The following BIK variants were observed in gnomAD, a reference collection of about 807,000 sequenced individuals.
The protein encoded by BIK is BCL2 interacting killer.
Under a neutral mutation model 12.1 loss-of-function variants are expected in BIK, and 14 were observed. The observed-to-expected ratio is 1.16, with a 90% CI of 0.77 to 1.81. The LOEUF is 1.81. Among genes scored for constraint, BIK ranks in the 40% most tolerant of loss-of-function variants. The probability of loss-of-function intolerance (pLI) is 0.00; values close to 1 mark genes in which losing one functional copy is unlikely to be tolerated. For missense variants in BIK, 215 were observed against 207.9 expected (o/e 1.03, Z -0.21); for synonymous variants, 86 against 92.3 (o/e 0.93, Z 0.39).
chr22:43,116,992 C>T (rs748052213), intron 1 of BIK, among the ~76,000 whole-genome samples: 1 of 152,220 alleles, frequency 6.6e-6, no homozygotes, highest in Non-Finnish European at 1.5e-5. Flanking sequence ...GGGGGAGCTG[C>T]AGCTCAGGGT....
chr22:43,126,188 C>CTTTTTTTTTTTTTTT (rs549572600), intron 2 of BIK, among the ~76,000 whole-genome samples: 3 of 137,164 alleles, frequency 2.2e-5, no homozygotes, highest in African/African-American at 8.4e-5. Flanking sequence ...GCATGCCCGG[C>CTTTTTTTTTTTTTTT]TTTTTTTTTT....
At chr22:43,116,886 G>A (rs545474971) in intron 1 of BIK, among the ~76,000 whole-genome samples, 1 of 152,270 alleles carries the variant, frequency 6.6e-6, no homozygotes, top group East Asian at 1.9e-4. Flanking sequence ...ACTACAGTGA[G>A]CCATGTTCAT....
intron 1 of BIK, among the ~76,000 whole-genome samples, chr22:43,111,844 C>T (rs1236536619): frequency 6.6e-6 from 1 of 152,152 alleles, no homozygotes; most frequent in East Asian, 1.9e-4. Context: ...TAACATCTGT[C>T]TGCCCCTGGG....
At chr22:43,112,061 C>T (rs1930021724) in intron 1 of BIK, among the ~76,000 whole-genome samples, 1 of 152,214 alleles carries the variant, frequency 6.6e-6, no homozygotes, top group South Asian at 2.1e-4. Flanking sequence ...AAATGTATCC[C>T]TGAGGTTTCT....
intron 1 of BIK, among the ~76,000 whole-genome samples, chr22:43,122,566 G>A (rs1295192435): frequency 6.6e-6 from 1 of 152,156 alleles, no homozygotes; most frequent in Non-Finnish European, 1.5e-5. Flanking sequence ...ATCTAAGGCT[G>A]TTTGGTACCC....
intron 1 of BIK, among the ~76,000 whole-genome samples, chr22:43,117,601 A>G (rs1268449384): frequency 6.6e-6 from 1 of 151,284 alleles, no homozygotes; most frequent in Non-Finnish European, 1.5e-5. Flanking sequence ...CCATCTCCTG[A>G]CCTTGTGATC....
At chr22:43,111,519 C>T (rs1009113569) in intron 1 of BIK, among the ~76,000 whole-genome samples, 3 of 152,022 alleles carry the variant, frequency 2.0e-5, no homozygotes, top group Non-Finnish European at 4.4e-5. Flanking sequence ...GCGAGGGGGC[C>T]CCCCGCCTGC....
At chr22:43,111,558 G>T (rs957760782) in intron 1 of BIK, among the ~76,000 whole-genome samples, 1 of 152,176 alleles carries the variant, frequency 6.6e-6, no homozygotes, top group East Asian at 1.9e-4. Context: ...GGCTTGTGGG[G>T]TTCGGAGCTG....
At chr22:43,111,563 G>A (rs989203143) in intron 1 of BIK, among the ~76,000 whole-genome samples, 1 of 152,182 alleles carries the variant, frequency 6.6e-6, no homozygotes, top group Non-Finnish European at 1.5e-5. Context: ...GTGGGGTTCG[G>A]AGCTGGTCGT....
At chr22:43,129,139 C>A in intron 4 of BIK, 74 bp from the exon 5 acceptor site, 1 of 1,598,060 alleles carries the variant, frequency 6.3e-7, no homozygotes, top group Non-Finnish European at 8.5e-7. Flanking sequence ...TTCCCCTTGG[C>A]ACTCCGCTGT....
At chr22:43,126,625 T>C (rs776980518) in intron 2 of BIK, among the ~76,000 whole-genome samples, 3 of 152,064 alleles carry the variant, frequency 2.0e-5, no homozygotes, top group Non-Finnish European at 4.4e-5. Flanking sequence ...TGCTGGGGAA[T>C]CCTGTCTCTG....
chr22:43,120,337 G>A (rs1303609816), intron 1 of BIK, among the ~76,000 whole-genome samples: 8 of 152,210 alleles, frequency 5.3e-5, no homozygotes, highest in African/African-American at 9.7e-5. Context: ...ATAGGCGAGC[G>A]CCACCACACC....
chr22:43,125,921 G>A (rs1930305061), intron 2 of BIK, among the ~76,000 whole-genome samples: 1 of 152,088 alleles, frequency 6.6e-6, no homozygotes, highest in South Asian at 2.1e-4. Flanking sequence ...GGTCCAGTAG[G>A]ACCTGACCCT....
At chr22:43,129,088 T>C (rs1266575406) in intron 4 of BIK, 125 bp from the exon 5 acceptor site, 35 of 1,527,024 alleles carry the variant, frequency 2.3e-5, no homozygotes, top group Non-Finnish European at 3.0e-5. Flanking sequence ...CTTCCTTCTC[T>C]GGTCCCCTCG....
intron 4 of BIK, 71 bp downstream of exon 4, chr22:43,128,696 G>T: frequency 1.3e-6 from 2 of 1,532,570 alleles, no homozygotes; most frequent in Non-Finnish European, 1.8e-6. Flanking sequence ...CGCTCCTTGG[G>T]GCGCCACAGT....
chr22:43,129,150 C>A, intron 4 of BIK, 63 bp from the exon 5 acceptor site: 1 of 1,599,046 alleles, frequency 6.3e-7, no homozygotes, highest in South Asian at 1.1e-5. Flanking sequence ...ACTCCGCTGT[C>A]ACCCGTCTGG....
intron 4 of BIK, 30 bp downstream of exon 4, chr22:43,128,655 TTGCGCTGCGGCCAGTGGGGG>T: frequency 6.3e-7 from 1 of 1,583,346 alleles, no homozygotes; most frequent in Admixed American, 1.8e-5. Context: ...TGACCCTGAC[TTGCGCTGCGGCCAGTGGGGG>T]CTGTCAGAGC....
chr22:43,118,228 G>A (rs1240735717), intron 1 of BIK, among the ~76,000 whole-genome samples: 1 of 152,140 alleles, frequency 6.6e-6, no homozygotes, highest in African/African-American at 2.4e-5. Flanking sequence ...GGTGGATGCT[G>A]ATGGTCACAC....
intron 4 of BIK, 114 bp downstream of exon 4, chr22:43,128,739 T>G: frequency 7.1e-7 from 1 of 1,413,104 alleles, no homozygotes; most frequent in Non-Finnish European, 9.6e-7. Flanking sequence ...CTGTGTCACC[T>G]GTGTCCACAT....
Sources: gnomAD v4.1 joint callset for allele counts (sites outside exome capture counted in the v4.1 genomes callset) on GRCh38, gnomAD v4.1.1 for gene constraint, MANE v1.5 for transcripts, NCBI Gene and HGNC (gene_info 2026-07-23, HGNC 2026-07-21) for gene names.